Variants in ERBB4 observed in about 807,000 individuals in gnomAD.
ERBB4 encodes receptor tyrosine-protein kinase erbB-4.
Under a neutral mutation model 158.0 loss-of-function variants are expected in ERBB4, and 42 were observed. That is an observed-to-expected ratio of 0.27 (90% confidence interval 0.21 to 0.34). The LOEUF (loss-of-function observed/expected upper bound fraction) is 0.34, where lower values mean the gene tolerates loss of function less well. Among genes scored for constraint, ERBB4 ranks in the 10% least tolerant of loss-of-function variants. ERBB4 has a pLI of 1.00. For synonymous variants in ERBB4, 583 were observed against 558.7 expected, an observed-to-expected ratio of 1.04 and a Z score of -0.61; for missense variants, 1,333 against 1,624.1, an observed-to-expected ratio of 0.82 and a Z score of 3.08.
intron 20 of ERBB4, among the ~76,000 whole-genome samples, chr2:211,490,700 A>T (rs941607855): frequency 1.3e-5 from 2 of 152,040 alleles, no homozygotes; most frequent in African/African-American, 4.8e-5. Context: ...GTATGGGAGA[A>T]CTAAAAGGAG....
intron 22 of ERBB4, among the ~76,000 whole-genome samples, chr2:211,426,566 T>G (rs967595318): frequency 6.6e-6 from 1 of 152,122 alleles, no homozygotes; most frequent in African/African-American, 2.4e-5. Context: ...CAACTCAACA[T>G]GAAGAAAAAT....
intron 13 of ERBB4, among the ~76,000 whole-genome samples, 164 bp from the exon 14 acceptor site, chr2:211,673,421 T>C (rs577329802): frequency 1.3e-5 from 2 of 150,884 alleles, no homozygotes; most frequent in South Asian, 2.1e-4. Context: ...GGAGAAAAGA[T>C]AAACTGCAGC....
At chr2:211,387,816 A>T (rs2062717958) in intron 26 of ERBB4, 129 bp downstream of exon 26, 1 of 767,022 alleles carries the variant, frequency 1.3e-6, no homozygotes, top group Non-Finnish European at 2.4e-6. Flanking sequence ...CAGCTACACG[A>T]TGTACACCAA....
At position 212,006,496 on chromosome 2, in the gene ERBB4, T is replaced by C. The variant is rs549560466; in HGVS notation, c.235-58880A>G. ...CCAGATAACATGATTCCTATTATAA[T>C]ATACCTAGGGAAAATAACCCAAACT... On this transcript the variant is annotated intron_variant, in intron 2 of 27. Coordinates refer to ENST00000342788, the MANE Select transcript of ERBB4 (RefSeq NM_005235.3). Among the ~76,000 whole-genome samples, 3 of 152,218 alleles carry C rather than the reference T, an allele frequency of 2.0e-5. No homozygotes were observed. The South Asian group carries it at 6.2e-4, about 32-fold the overall frequency.
chr2:211,706,823 A>G (rs1188415778), intron 9 of ERBB4, among the ~76,000 whole-genome samples: 1 of 152,184 alleles, frequency 6.6e-6, no homozygotes, highest in Non-Finnish European at 1.5e-5. Flanking sequence ...ATATCTCACA[A>G]AAGCTTAAAG....
intron 1 of ERBB4, among the ~76,000 whole-genome samples, chr2:212,513,613 C>G (rs1377000635): frequency 6.6e-6 from 1 of 152,098 alleles, no homozygotes; most frequent in African/African-American, 2.4e-5. Flanking sequence ...GAGATCGAGA[C>G]CATCTTGGCT....
intron 20 of ERBB4, among the ~76,000 whole-genome samples, chr2:211,545,571 G>A (rs185186573): frequency 1.5e-3 from 221 of 152,012 alleles, no homozygotes; most frequent in African/African-American, 4.5e-3. Context: ...ACTGATTTTA[G>A]GGCTCAACTC....
Position 211,449,102 on chromosome 2 carries a change from A to G in ERBB4, c.2488-18002T>C, listed in dbSNP as rs114568169. 4.0e-3 allele frequency among the ~76,000 whole-genome samples: 616 copies of G among 152,258 alleles called. 5 individuals carry two copies. The highest frequency in any genetic ancestry group is 0.014 in the African/African-American group (581 of 41,570). Reference sequence around the variant, plus strand: ...AGTACCCAATAGTGTACCTCCTACAAGAAGCTTGATAACTAGTATTTAAGA... The same window carrying G: ...AGTACCCAATAGTGTACCTCCTACAGGAAGCTTGATAACTAGTATTTAAGA... On this transcript the variant is annotated intron_variant, in intron 20 of 27. Transcript: ENST00000342788.
intron 1 of ERBB4, among the ~76,000 whole-genome samples, chr2:212,254,514 T>A (rs766868801): frequency 6.6e-6 from 1 of 152,172 alleles, no homozygotes; most frequent in Non-Finnish European, 1.5e-5. Flanking sequence ...TGGCTCAATC[T>A]GCTCTACCGT....
At chr2:211,428,558 G>GTCT in intron 21 of ERBB4, 75 bp from the exon 22 acceptor site, 1 of 796,108 alleles carries the variant, frequency 1.3e-6, no homozygotes, top group Non-Finnish European at 2.2e-6. Context: ...CTAAATGTGA[G>GTCT]TCTTTGGGCT....
At chr2:212,366,736 G>A (rs753220587) in intron 1 of ERBB4, among the ~76,000 whole-genome samples, 1 of 151,902 alleles carries the variant, frequency 6.6e-6, no homozygotes, top group African/African-American at 2.4e-5. Flanking sequence ...AAATGTCTCT[G>A]CTTTTAACTC....
At chr2:211,671,107 A>G (rs1173992306) in intron 14 of ERBB4, among the ~76,000 whole-genome samples, 1 of 152,192 alleles carries the variant, frequency 6.6e-6, no homozygotes, top group Non-Finnish European at 1.5e-5. Flanking sequence ...TCATAAATAT[A>G]TTTGATTTTT....
At chr2:211,783,095 A>G (rs1224086284) in intron 4 of ERBB4, among the ~76,000 whole-genome samples, 1 of 152,106 alleles carries the variant, frequency 6.6e-6, no homozygotes, top group Admixed American at 6.5e-5. Context: ...ATCCCTTGTA[A>G]GTTGGATTCC....
chr2:211,776,813 G>A (rs2075887981), intron 4 of ERBB4, among the ~76,000 whole-genome samples: 1 of 152,040 alleles, frequency 6.6e-6, no homozygotes, highest in Admixed American at 6.6e-5. Flanking sequence ...GCTTTCAGAG[G>A]GATATGCTCA....
chr2:212,293,075 G>A (rs1475123805), intron 1 of ERBB4, among the ~76,000 whole-genome samples: 5 of 151,978 alleles, frequency 3.3e-5, no homozygotes, highest in Non-Finnish European at 7.4e-5. Flanking sequence ...ACTGACAGTA[G>A]CTCCACATAA....
intron 20 of ERBB4, among the ~76,000 whole-genome samples, chr2:211,477,623 T>A (rs544860210): frequency 1.3e-5 from 2 of 152,186 alleles, no homozygotes; most frequent in South Asian, 4.1e-4. Context: ...ATGCATATGT[T>A]TTGTATATTT....
intron 1 of ERBB4, among the ~76,000 whole-genome samples, chr2:212,390,012 G>A (rs982886380): frequency 1.3e-5 from 2 of 151,772 alleles, no homozygotes; most frequent in African/African-American, 2.4e-5. Flanking sequence ...AAAAATGAAT[G>A]GTTCAGAGAG....
At chr2:212,124,996 C>T in intron 1 of ERBB4, 93 bp from the exon 2 acceptor site, 1 of 1,411,504 alleles carries the variant, frequency 7.1e-7, no homozygotes, top group African/African-American at 1.4e-5. Flanking sequence ...ATTCCACAAG[C>T]CTATCCCAGT....
chr2:211,557,205 A>G (rs925496260), intron 20 of ERBB4, among the ~76,000 whole-genome samples: 1 of 152,146 alleles, frequency 6.6e-6, no homozygotes, highest in African/African-American at 2.4e-5. Flanking sequence ...ATAGGCATGG[A>G]CAAAGATTTC....
Sources: allele counts gnomAD v4.1 joint callset (sites outside exome capture counted in the v4.1 genomes callset), GRCh38; gene constraint gnomAD v4.1.1; transcripts MANE v1.5; gene names NCBI Gene and HGNC (gene_info 2026-07-23, HGNC 2026-07-21).